MBTPS1: variants seen among roughly 807,000 people sequenced by gnomAD.
MBTPS1 encodes the protein membrane bound transcription factor peptidase, site 1.
A neutral mutation model predicts 127.8 loss-of-function variants in MBTPS1; 94 were observed. The observed-to-expected ratio is 0.74, with a 90% CI of 0.62 to 0.87. The LOEUF (loss-of-function observed/expected upper bound fraction) is 0.87. Among genes scored for constraint, MBTPS1 ranks in the 40% least tolerant of loss-of-function variants. The pLI is 0.00. For synonymous variants in MBTPS1, 632 were observed against 509.4 expected (o/e 1.24, Z -3.24); for missense variants, 1,636 against 1,353.2 (o/e 1.21, Z -3.28).
intron 12 of MBTPS1, among the ~76,000 whole-genome samples, chr16:84,073,030 T>C (rs1259989137): frequency 6.6e-6 from 1 of 152,236 alleles, no homozygotes; most frequent in Non-Finnish European, 1.5e-5. Context: ...ATGTTTATAA[T>C]TGAAAACTAC....
chr16:84,114,955 G>T (rs1236014571), intron 1 of MBTPS1, among the ~76,000 whole-genome samples: 2 of 151,744 alleles, frequency 1.3e-5, no homozygotes, highest in Non-Finnish European at 2.9e-5. Flanking sequence ...TTGAGACATA[G>T]TCTCACTCTG....
chr16:84,079,714 G>GAAAT (rs758440598), intron 11 of MBTPS1, among the ~76,000 whole-genome samples: 2 of 152,158 alleles, frequency 1.3e-5, no homozygotes, highest in Non-Finnish European at 2.9e-5. Flanking sequence ...CTGTAAATAA[G>GAAAT]AAATAAATAA....
chr16:84,101,540 T>G (rs890406823), intron 2 of MBTPS1, 81 bp downstream of exon 2: 4 of 1,222,828 alleles, frequency 3.3e-6, no homozygotes. Flanking sequence ...GAACATGTTA[T>G]TCAGCAATAG....
rs751010634 is a variant in MBTPS1, at chr16:84,091,745, G to A, written c.950C>T (p.Pro317Leu). Residue 317 changes from proline to leucine, a missense_variant, in exon 7 of 23, where the codon CCG (proline) becomes CTG (leucine). Pro to Leu is a moderately conservative substitution (Grantham distance 98). Coordinates refer to ENST00000343411, the MANE Select transcript of MBTPS1 (RefSeq NM_003791.4). ...SIGGPDFMDHPFVDKVWELTA... is the reference protein window; with the variant it reads ...SIGGPDFMDHLFVDKVWELTA... ...GACTCCACAAACCTTGTCAACAAAC[G>A]GATGATCCATGAAGTCCGGGCCGCC... 8.7e-6 allele frequency: 14 copies of A among 1,612,956 alleles called. No homozygotes were observed. Among genetic ancestry groups the A allele is most frequent in the African/African-American group, 8.0e-5 (6 of 74,830 alleles).
intron 12 of MBTPS1, among the ~76,000 whole-genome samples, chr16:84,071,132 C>G (rs1433724719): frequency 1.3e-5 from 2 of 152,090 alleles, no homozygotes; most frequent in Non-Finnish European, 2.9e-5. Context: ...AGGTTATTTC[C>G]CAATTAGTTG....
chr16:84,093,640 CTG>C (rs2086140803), intron 5 of MBTPS1, 69 bp downstream of exon 5: 2 of 1,058,934 alleles, frequency 1.9e-6, no homozygotes, highest in Admixed American at 1.9e-5. Flanking sequence ...GCTGGACAGA[CTG>C]TGGAATCATG....
chr16:84,108,761 T>G (rs2086359458), intron 1 of MBTPS1, among the ~76,000 whole-genome samples: 1 of 152,122 alleles, frequency 6.6e-6, no homozygotes. Context: ...GCCTGGCAAG[T>G]GAAGAAGGCA....
intron 2 of MBTPS1, among the ~76,000 whole-genome samples, chr16:84,099,766 C>A (rs1410706066): frequency 8.1e-5 from 12 of 148,950 alleles, no homozygotes; most frequent in African/African-American, 3.0e-4. Flanking sequence ...ACAGAGCAAG[C>A]CTCCGTCTCA....
At chr16:84,073,559 C>T (rs1269773944) in intron 12 of MBTPS1, among the ~76,000 whole-genome samples, 3 of 152,012 alleles carry the variant, frequency 2.0e-5, no homozygotes, top group Non-Finnish European at 4.4e-5. Flanking sequence ...ATTTAAAAAA[C>T]AGTGGCCAAG....
chr16:84,108,514 G>A (rs2086356122), intron 1 of MBTPS1, among the ~76,000 whole-genome samples: 1 of 152,202 alleles, frequency 6.6e-6, no homozygotes, highest in Non-Finnish European at 1.5e-5. Context: ...TCCAGCACCT[G>A]CCTCAGCCTC....
At chr16:84,068,594 G>C in intron 14 of MBTPS1, 140 bp from the exon 15 acceptor site, 1 of 644,178 alleles carries the variant, frequency 1.6e-6, no homozygotes. Flanking sequence ...ACTGGCACAG[G>C]CATCAGCTTA....
chr16:84,098,544 T>A (rs373001286), intron 3 of MBTPS1, among the ~76,000 whole-genome samples: 1 of 151,044 alleles, frequency 6.6e-6, no homozygotes, highest in African/African-American at 2.4e-5. Flanking sequence ...TGGGTGGAGG[T>A]TGAGGTGAGC....
intron 1 of MBTPS1, among the ~76,000 whole-genome samples, chr16:84,105,115 T>A (rs1024657037): frequency 3.2e-4 from 48 of 150,044 alleles, no homozygotes; most frequent in African/African-American, 9.4e-4. Context: ...AAAAAAAAAA[T>A]AAATAAATGA....
At chr16:84,100,033 T>G (rs1193236614) in intron 2 of MBTPS1, among the ~76,000 whole-genome samples, 1 of 152,234 alleles carries the variant, frequency 6.6e-6, no homozygotes, top group Non-Finnish European at 1.5e-5. Context: ...GTTCTTCACA[T>G]CTGGTCACTC....
rs1044700647 is a variant in MBTPS1, at chr16:84,093,248, C to G, written c.786G>C (p.Glu262Asp). The G allele has an allele frequency of 2.5e-6, 4 of 1,613,978 alleles. No homozygotes were observed. Among genetic ancestry groups the G allele is most frequent in the East Asian group, 2.2e-5 (1 of 44,898 alleles). Residue 262 changes from glutamate to aspartate, a missense_variant, in exon 6 of 23, where the codon GAG (glutamate) becomes GAC (aspartate). Coordinates refer to ENST00000343411, the MANE Select transcript of MBTPS1 (RefSeq NM_003791.4). ...CTGCATCTGGAGCAAATCCTTGGCA[C>G]TCCCTCATGCTGGCTATCACACCTG... is the stretch of plus-strand genomic sequence containing the variant. Reference protein sequence around the residue: ...FVAGVIASMRECQGFAPDAEL... With the variant: ...FVAGVIASMRDCQGFAPDAEL...
intron 3 of MBTPS1, 34 bp downstream of exon 3, chr16:84,099,019 C>G (rs768054344): frequency 7.4e-7 from 1 of 1,347,064 alleles, no homozygotes; most frequent in East Asian, 2.5e-5. Flanking sequence ...AAGTAAACAG[C>G]AGAGAGAAAT....
At chr16:84,090,141 G>A (rs191898968) in intron 8 of MBTPS1, among the ~76,000 whole-genome samples, 4 of 152,080 alleles carry the variant, frequency 2.6e-5, no homozygotes, top group Admixed American at 2.6e-4. Context: ...CTTATGCCCT[G>A]GATTTGTGTA....
At chr16:84,068,172 G>A (rs192676675) in intron 15 of MBTPS1, among the ~76,000 whole-genome samples, 167 bp downstream of exon 15, 63 of 152,310 alleles carry the variant, frequency 4.1e-4, no homozygotes, top group South Asian at 8.3e-4. Context: ...ATGTCACACC[G>A]CCACCACCTG....
intron 10 of MBTPS1, among the ~76,000 whole-genome samples, chr16:84,083,251 T>A (rs113715562): frequency 2.0e-5 from 3 of 152,156 alleles, no homozygotes; most frequent in African/African-American, 7.2e-5. Context: ...ACAGGCCAGG[T>A]AGCCCACTAT....
Sources: allele counts gnomAD v4.1 joint callset (sites outside exome capture counted in the v4.1 genomes callset), GRCh38; gene constraint gnomAD v4.1.1; transcripts MANE v1.5; gene names NCBI Gene and HGNC (gene_info 2026-07-23, HGNC 2026-07-21).